UBE2O: variants seen among roughly 807,000 people sequenced by gnomAD.
UBE2O encodes (E3-independent) E2 ubiquitin-conjugating enzyme.
In UBE2O, 15 loss-of-function variants were observed where a neutral mutation model predicts 125.8. The observed-to-expected ratio is 0.12, with a 90% CI of 0.08 to 0.18. UBE2O has a LOEUF of 0.18. Ranked by LOEUF, UBE2O falls within the 10% of genes least tolerant of loss-of-function variation. The pLI, the probability that UBE2O is intolerant of heterozygous loss-of-function variation, is 1.00. For missense variants in UBE2O, 1,280 were observed against 1,723.6 expected (o/e 0.74, Z 4.56); for synonymous variants, 708 against 703.2 (o/e 1.01, Z -0.11).
chr17:76,448,343 A>C (rs2073182303), intron 1 of UBE2O, among the ~76,000 whole-genome samples: 1 of 152,192 alleles, frequency 6.6e-6, no homozygotes, highest in African/African-American at 2.4e-5. Context: ...ACATTACATC[A>C]CTAAGAACAA....
Position 76,398,651 on chromosome 17 carries a change from C to T in UBE2O, c.1784-67G>A. On this transcript the variant is annotated intron_variant, in intron 10 of 17. Transcript: ENST00000319380. The surrounding 1 kb of genome is among the most constrained non-coding windows in gnomAD (Gnocchi z 5.4). ...CGGCTAAGGAGCCCACATCTCAAGC[C>T]AGTGCAGAGTGCAGAACCCTGACCT... 6.5e-7 allele frequency: 1 copy of T among 1,549,644 alleles called. No homozygotes were observed. The highest frequency in any genetic ancestry group is 1.4e-5 in the African/African-American group (1 of 73,740).
rs2073273540 is a variant in UBE2O at position 76,452,663 on chromosome 17, C to T, written c.417+62G>A. The T allele has an allele frequency of 1.5e-6, 2 of 1,331,592 alleles. No homozygotes were observed. The highest frequency in any genetic ancestry group is 8.4e-5 in the Admixed American group (2 of 23,898). 82.5% of individuals were successfully genotyped at this position (1,331,592 alleles called of 1,614,324 possible). A position where few individuals can be genotyped will look rare whatever the true frequency, so the allele number is the denominator to read the frequency against. On this transcript the variant is annotated intron_variant, in intron 1 of 17. Coordinates refer to ENST00000319380, the MANE Select transcript of UBE2O (RefSeq NM_022066.4). This position sits in a 1 kb window ranked among gnomAD's most constrained non-coding sequence, Gnocchi z 4.4. The stretch of plus-strand genomic sequence containing the variant: ...GCAGGGCCCTGCACGCCGTCCTTCC[C>T]TGGCCTCGGCCCGGCCGCCGACCCC...
Position 76,452,272 on chromosome 17 carries a change from T to C in UBE2O, c.417+453A>G, listed in dbSNP as rs193126669. Among the ~76,000 whole-genome samples the C allele has an allele frequency of 6.6e-6, 1 of 152,252 alleles. No individual in the cohort carries two copies. The highest frequency in any genetic ancestry group is 2.4e-5 in the African/African-American group (1 of 41,542). On this transcript the variant is annotated intron_variant, in intron 1 of 17. Transcript: ENST00000319380. The surrounding 1 kb of genome is among the most constrained non-coding windows in gnomAD (Gnocchi z 4.4). ...GGTTCGGCTGGGATTTTCACCTCTA[T>C]CTTTGTTTTGGAATGCCCACAACCC...
chr17:76,417,231 G>A (rs1481523423), intron 1 of UBE2O, among the ~76,000 whole-genome samples: 1 of 152,196 alleles, frequency 6.6e-6, no homozygotes, highest in African/African-American at 2.4e-5. Flanking sequence ...CTCTTCACAT[G>A]TGGGCACCCC....
intron 1 of UBE2O, among the ~76,000 whole-genome samples, chr17:76,418,788 C>T (rs1016046180): frequency 1.3e-5 from 2 of 152,142 alleles, no homozygotes; most frequent in African/African-American, 4.8e-5. Context: ...CCAGGATGGT[C>T]TTGATCTCCT....
At chr17:76,435,219 G>A (rs1394433375) in intron 1 of UBE2O, among the ~76,000 whole-genome samples, 1 of 152,138 alleles carries the variant, frequency 6.6e-6, no homozygotes, top group Non-Finnish European at 1.5e-5. Context: ...TGTACAGAAA[G>A]CTACTATTTA....
chr17:76,409,762 C>T lies in UBE2O; in HGVS notation c.418-4190G>A, dbSNP rs114076002. ...CCCAGTGGAACCCAGGACCGACATC[C>T]TCTGTGCCTCCTCTGGAAACAGGAG... is the stretch of plus-strand genomic sequence containing the variant. On this transcript the variant is annotated intron_variant, in intron 1 of 17. Coordinates refer to ENST00000319380, the MANE Select transcript of UBE2O (RefSeq NM_022066.4). 1.6e-3 allele frequency among the ~76,000 whole-genome samples: 248 copies of T among 152,322 alleles called. 2 individuals are homozygous for T. Among genetic ancestry groups the T allele is most frequent in the African/African-American group, 5.7e-3 (235 of 41,574 alleles).
chr17:76,390,808 T>C lies in UBE2O; in HGVS notation c.*135A>G, dbSNP rs2072094790. 3.4e-6 allele frequency: 3 copies of C among 870,322 alleles called. No individual in the cohort carries two copies. Among genetic ancestry groups the C allele is most frequent in the East Asian group, 2.6e-5 (1 of 38,778 alleles). The allele number at this position is 870,322 out of a possible 1,614,324, so 53.9% of individuals were successfully genotyped here. On this transcript the variant is annotated 3_prime_UTR_variant, in exon 18 of 18. Coordinates refer to ENST00000319380, the MANE Select transcript of UBE2O (RefSeq NM_022066.4). ...CACTTCTTGCACTTCAGCATCAAAC[T>C]CACCTTGGGGAGAAGAGGGCAGTGG...
intron 1 of UBE2O, among the ~76,000 whole-genome samples, chr17:76,417,648 T>C (rs534024929): frequency 1.3e-5 from 2 of 152,114 alleles, no homozygotes; most frequent in East Asian, 1.9e-4. Context: ...GCTGGGTCTT[T>C]AGAGGCCATC....
At chr17:76,416,348 C>A (rs1204986684) in intron 1 of UBE2O, among the ~76,000 whole-genome samples, 1 of 152,162 alleles carries the variant, frequency 6.6e-6, no homozygotes, top group Non-Finnish European at 1.5e-5. Context: ...CCATCCCAGA[C>A]CTGCTGCCTG....
rs781098873 is a variant in UBE2O at position 76,400,404 on chromosome 17, C to T, written c.1004+37G>A. 31 of 1,597,698 alleles carry T rather than the reference C, an allele frequency of 1.9e-5. No homozygotes were observed. The highest frequency in any genetic ancestry group is 6.8e-5 in the Admixed American group (4 of 59,000). On this transcript the variant is annotated intron_variant, in intron 7 of 17. Transcript: ENST00000319380. This position sits in a 1 kb window ranked among gnomAD's most constrained non-coding sequence, Gnocchi z 4.3. ...CCAGGGCCCAGAGCCCTGTCCCACG[C>T]GTGCCCCTGGGTTGCTGGCAGTAAG...
At chr17:76,392,234 G>C (rs1017460097) in intron 15 of UBE2O, 121 bp from the exon 16 acceptor site, 3 of 595,180 alleles carry the variant, frequency 5.0e-6, no homozygotes, top group Non-Finnish European at 8.3e-6. Flanking sequence ...CGCAGGAAGA[G>C]CAGCACCTGG....
intron 3 of UBE2O, among the ~76,000 whole-genome samples, chr17:76,403,426 G>A (rs2072363839): frequency 6.6e-6 from 1 of 151,938 alleles, no homozygotes; most frequent in Non-Finnish European, 1.5e-5. Flanking sequence ...GCATCACCGT[G>A]CCTGGCCAAT....
At chr17:76,416,538 G>A (rs2072619675) in intron 1 of UBE2O, among the ~76,000 whole-genome samples, 1 of 152,134 alleles carries the variant, frequency 6.6e-6, no homozygotes, top group African/African-American at 2.4e-5. Flanking sequence ...CAAGAAGTGG[G>A]GCAGGGCCTG....
rs1349027729 is a variant in UBE2O, at chr17:76,405,897, A to G, written c.418-325T>C. Among the ~76,000 whole-genome samples the G allele has an allele frequency of 6.6e-6, 1 of 152,200 alleles. No homozygotes were observed. Among genetic ancestry groups the G allele is most frequent in the African/African-American group, 2.4e-5 (1 of 41,440 alleles). On this transcript the variant is annotated intron_variant, in intron 1 of 17. Transcript: ENST00000319380. This position sits in a 1 kb window ranked among gnomAD's most constrained non-coding sequence, Gnocchi z 6.1. The stretch of plus-strand genomic sequence containing the variant: ...ATCACATAAGGCTGCACTTTAATGA[A>G]GGATTTAACAGCCCATTCTACAGAG...
At position 76,398,154 on chromosome 17, in the gene UBE2O, T is replaced by C. The variant is rs894567246; in HGVS notation, c.2025+101A>G. On this transcript the variant is annotated intron_variant, in intron 12 of 17. Coordinates refer to ENST00000319380, the MANE Select transcript of UBE2O (RefSeq NM_022066.4). This position sits in a 1 kb window ranked among gnomAD's most constrained non-coding sequence, Gnocchi z 5.4. ...TGAGGACACTGAGCCCAGAGGACTT[T>C]CAGGTCTTGTCTCCTAGAGCCACCT... The C allele has an allele frequency of 1.3e-6, 2 of 1,533,690 alleles. No homozygotes were observed. Among genetic ancestry groups the C allele is most frequent in the Admixed American group, 3.5e-5 (2 of 57,788 alleles).
At position 76,404,757 on chromosome 17, in the gene UBE2O, A is replaced by C. The variant is rs182501227; in HGVS notation, c.588+449T>G. Among the ~76,000 whole-genome samples, 22 of 152,194 alleles carry C rather than the reference A, an allele frequency of 1.4e-4. No individual in the cohort carries two copies. Among genetic ancestry groups the C allele is most frequent in the African/African-American group, 4.1e-4 (17 of 41,542 alleles). On this transcript the variant is annotated intron_variant, in intron 3 of 17. Coordinates refer to ENST00000319380, the MANE Select transcript of UBE2O (RefSeq NM_022066.4). This position sits in a 1 kb window ranked among gnomAD's most constrained non-coding sequence, Gnocchi z 4.3. ...GCTTGCTGTCAAATGTTTTGGGAAG[A>C]AAAAAGACCGGAGGGGGATCTCGGG...
chr17:76,440,805 T>C (rs2073066293), intron 1 of UBE2O, among the ~76,000 whole-genome samples: 1 of 152,226 alleles, frequency 6.6e-6, no homozygotes, highest in Non-Finnish European at 1.5e-5. Context: ...AATGCTTTTG[T>C]GCTATAATGG....
In UBE2O at chr17:76,392,068, C is replaced by G; in HGVS notation, c.2992G>C (p.Glu998Gln). The G allele has an allele frequency of 7.7e-7, 1 of 1,303,212 alleles. No individual in the cohort carries two copies. The highest frequency in any genetic ancestry group is 1.0e-6 in the Non-Finnish European group (1 of 995,854). 80.7% of individuals were successfully genotyped at this position (1,303,212 alleles called of 1,614,324 possible). A position where few individuals can be genotyped will look rare whatever the true frequency, so the allele number is the denominator to read the frequency against. The part of the protein sequence containing the change: ...LIKGPTRTPY[E>Q]DGLYLFDIQL... ...ATGTCAAACAAGTAGAGGCCATCCT[C>G]GTAGGGGGTTCGAGTGGGGCCCTTG... Residue 998 changes from glutamate to glutamine, a missense_variant, in exon 16 of 18, where the codon GAG (glutamate) becomes CAG (glutamine). Around this residue, in one of 10 missense-constraint regions of UBE2O, gnomAD observed 37 missense variants for 115.6 expected, o/e 0.32. Transcript: ENST00000319380.
Sources: gnomAD v4.1 joint callset for allele counts (sites outside exome capture counted in the v4.1 genomes callset) on GRCh38, gnomAD v4.1.1 for gene constraint, gnomAD v4.1.1 regional missense constraint, Gnocchi (gnomAD v3.1) non-coding constraint, MANE v1.5 for transcripts, NCBI Gene and HGNC (gene_info 2026-07-23, HGNC 2026-07-21) for gene names.